CTTN: variants seen among roughly 807,000 people sequenced by gnomAD.
CTTN encodes the protein cortactin.
A neutral mutation model predicts 84.0 loss-of-function variants in CTTN; 28 were observed. That is an observed-to-expected ratio of 0.33 (90% CI 0.25 to 0.46). The LOEUF is 0.46. Among genes scored for constraint, CTTN ranks in the 20% least tolerant of loss-of-function variants. The pLI, the probability that CTTN is intolerant of heterozygous loss-of-function variation, is 1.00. For synonymous variants in CTTN, 301 were observed against 288.8 expected, an observed-to-expected ratio of 1.04 and a Z score of -0.43; for missense variants, 641 against 723.8, an observed-to-expected ratio of 0.89 and a Z score of 1.31.
chr11:70,414,444 C>A, intron 5 of CTTN, 98 bp from the exon 6 acceptor site: 2 of 862,930 alleles, frequency 2.3e-6, no homozygotes, highest in Non-Finnish European at 3.8e-6. Flanking sequence ...TTTCCCTGCA[C>A]TGACCAGGAT....
intron 15 of CTTN, 134 bp downstream of exon 15, chr11:70,431,414 C>T (rs1021627562): frequency 2.3e-5 from 21 of 903,522 alleles, no homozygotes; most frequent in East Asian, 5.1e-5. Flanking sequence ...ATTCCACGCC[C>T]GGAGAGGGGT....
intron 5 of CTTN, among the ~76,000 whole-genome samples, chr11:70,411,921 G>A (rs2058100426): frequency 6.6e-6 from 1 of 152,158 alleles, no homozygotes; most frequent in Non-Finnish European, 1.5e-5. Flanking sequence ...CCTTGTGCCT[G>A]GCTCAGTGCC....
intron 5 of CTTN, among the ~76,000 whole-genome samples, chr11:70,411,185 A>T (rs12272774): frequency 0.022 from 2,905 of 130,708 alleles, 39 homozygotes; most frequent in African/African-American, 0.11. Context: ...GAGCGAAGCA[A>T]GTGCACACGG....
chr11:70,408,986 A>G lies in CTTN; in HGVS notation c.162-845A>G, dbSNP rs544629676. On this transcript the variant is annotated intron_variant, in intron 4 of 17. Transcript: ENST00000301843. ...AGAAAAAACAACTCTCCAGTACAAA[A>G]CCCTTGGGCTGGTTAGGATTCAGAG... 2.6e-5 allele frequency among the ~76,000 whole-genome samples: 4 copies of G among 151,316 alleles called. No homozygotes were observed. In the East Asian group the frequency reaches 5.9e-4, roughly 22 times the overall value.
At chr11:70,421,623 G>A (rs373422619) in intron 11 of CTTN, 43 bp downstream of exon 11, 2 of 1,405,372 alleles carry the variant, frequency 1.4e-6, no homozygotes, top group Middle Eastern at 1.9e-4. Context: ...CGACCCTCCT[G>A]TGCGGCCACT....
chr11:70,435,954 T>A lies in CTTN; in HGVS notation c.*792T>A, dbSNP rs964181083. 7 of 1,435,018 alleles carry A rather than the reference T, an allele frequency of 4.9e-6. No individual in the cohort carries two copies. In the African/African-American group the frequency reaches 1.0e-4, roughly 21 times the overall value. The allele number at this position is 1,435,018 out of a possible 1,614,324, so 88.9% of individuals were successfully genotyped here. A position where few individuals can be genotyped will look rare whatever the true frequency, so the allele number is the denominator to read the frequency against. Reference sequence around the variant, plus strand: ...AGTGCAGTTGAGGTCTGCGTCGGGCTTGGCTTTTCACAAAGGCTGATGTCT... The same window carrying A: ...AGTGCAGTTGAGGTCTGCGTCGGGCATGGCTTTTCACAAAGGCTGATGTCT... On this transcript the variant is annotated 3_prime_UTR_variant, in exon 18 of 18. Coordinates refer to ENST00000301843, the MANE Select transcript of CTTN (RefSeq NM_005231.4).
Position 70,423,003 on chromosome 11 carries a change from T to A in CTTN, c.957+8T>A, listed in dbSNP as rs370209086. On this transcript the variant is annotated splice_region_variant and intron_variant, in intron 12 of 17. Transcript: ENST00000301843. ...AAGGATCGGATGGATAAGGTAAATA[T>A]TCCAGCCCCGGAGCTTAGTGTCTTC... The A allele has an allele frequency of 6.2e-7, 1 of 1,613,754 alleles. No homozygotes were observed. Among genetic ancestry groups the A allele is most frequent in the South Asian group, 1.1e-5 (1 of 91,064 alleles).
chr11:70,433,013 G>T (rs186644854), intron 15 of CTTN, 88 bp from the exon 16 acceptor site: 1 of 1,375,868 alleles, frequency 7.3e-7, no homozygotes, highest in Non-Finnish European at 1.0e-6. Context: ...TAGATGGCCC[G>T]TGGGTTTCTG....
intron 12 of CTTN, 50 bp from the exon 13 acceptor site, chr11:70,425,282 T>G: frequency 6.9e-7 from 1 of 1,458,146 alleles, no homozygotes; most frequent in Non-Finnish European, 9.5e-7. Context: ...CCACAGGGCA[T>G]GGAGAAAAGA....
In CTTN at chr11:70,428,206, G is replaced by A. The variant is rs538681074; in HGVS notation, c.1028-845G>A. 4.3e-4 allele frequency among the ~76,000 whole-genome samples: 55 copies of A among 126,906 alleles called. 1 individual carries two copies. The highest frequency in any genetic ancestry group is 1.5e-3 in the African/African-American group (52 of 35,352). The allele number at this position is 126,906 out of a possible 152,430, so 83.3% of individuals were successfully genotyped here. On this transcript the variant is annotated intron_variant, in intron 13 of 17. Transcript: ENST00000301843. Reference sequence around the variant, plus strand: ...TTTTGAGACAGAGTCTCGCTCTGTCGCGAGACTGGAGTGCAGTGGCACAAT... The same window carrying A: ...TTTTGAGACAGAGTCTCGCTCTGTCACGAGACTGGAGTGCAGTGGCACAAT...
chr11:70,420,323 G>C (rs1473882863), intron 9 of CTTN, 77 bp from the exon 10 acceptor site: 3 of 921,898 alleles, frequency 3.3e-6, no homozygotes, highest in Non-Finnish European at 5.4e-6. Flanking sequence ...GCGTTTAACT[G>C]TATTGAAAAC....
intron 11 of CTTN, chr11:70,421,954 G>A (rs2058241518): frequency 4.2e-6 from 1 of 235,656 alleles, no homozygotes; most frequent in African/African-American, 2.2e-5. Context: ...AGGCCTTCCA[G>A]ATGAGGAGAG....
chr11:70,433,861 G>T (rs1191942091), intron 17 of CTTN, 143 bp downstream of exon 17: 1 of 660,292 alleles, frequency 1.5e-6, no homozygotes, highest in Non-Finnish European at 2.7e-6. Context: ...TAGAAAAGTT[G>T]CAGGTATAGT....
chr11:70,420,880 C>T (rs902804525), intron 10 of CTTN, among the ~76,000 whole-genome samples: 4 of 152,102 alleles, frequency 2.6e-5, no homozygotes, highest in African/African-American at 9.7e-5. Flanking sequence ...GCTGGGTTTA[C>T]CCGGGAGTGG....
At chr11:70,429,028 C>T (rs532603760) in intron 13 of CTTN, 23 bp from the exon 14 acceptor site, 23 of 1,613,396 alleles carry the variant, frequency 1.4e-5, no homozygotes, top group East Asian at 2.2e-5. Context: ...TCAAGGCACA[C>T]GTCCTCCCTC....
intron 1 of CTTN, among the ~76,000 whole-genome samples, chr11:70,403,903 CAG>C (rs1215225153): frequency 6.6e-6 from 1 of 152,072 alleles, no homozygotes. Context: ...ATGTATGAGA[CAG>C]GGTCTCTCTC....
At position 70,419,821 on chromosome 11, in the gene CTTN, A is replaced by G; in HGVS notation, c.644A>G (p.Tyr215Cys). The change falls in exon 9 of 18, where the codon TAT (tyrosine) becomes TGT (cysteine). Residue 215 changes from tyrosine to cysteine, a missense_variant. Physicochemically the swap from Tyr to Cys is radical, Grantham distance 194. This residue lies in a region of CTTN where 284 missense variants were observed against 348.4 expected (regional missense o/e 0.82). Transcript: ENST00000301843. ...KVDKSAVGFE[Y>C]QGKTEKHESQ... ...GATAAGAGCGCCGTTGGCTTTGAGT[A>G]TCAAGGCAAAACGGAGAAGCACGAG... The G allele has an allele frequency of 6.2e-7, 1 of 1,613,574 alleles. No homozygotes were observed. The highest frequency in any genetic ancestry group is 8.5e-7 in the Non-Finnish European group (1 of 1,179,918).
chr11:70,426,808 G>A (rs189049664), intron 13 of CTTN, among the ~76,000 whole-genome samples: 18 of 151,770 alleles, frequency 1.2e-4, no homozygotes, highest in African/African-American at 4.3e-4. Flanking sequence ...CACCGTGTTA[G>A]CCAGGATGGT....
chr11:70,409,807 C>T (rs546445926), intron 4 of CTTN, 24 bp from the exon 5 acceptor site: 10 of 1,612,958 alleles, frequency 6.2e-6, no homozygotes, highest in Non-Finnish European at 8.5e-6. Flanking sequence ...TTGATCTGTT[C>T]CTATTTTCAT....
Sources: gnomAD v4.1 joint callset for allele counts (sites outside exome capture counted in the v4.1 genomes callset) on GRCh38, gnomAD v4.1.1 for gene constraint, gnomAD v4.1.1 regional missense constraint, MANE v1.5 for transcripts, NCBI Gene and HGNC (gene_info 2026-07-23, HGNC 2026-07-21) for gene names.